PTPDC1: variants seen among roughly 807,000 people sequenced by gnomAD.
PTPDC1 encodes the protein protein tyrosine phosphatase domain-containing protein 1.
In PTPDC1, 53 loss-of-function variants were observed where a neutral mutation model predicts 75.3. The ratio of observed to expected loss-of-function variants is 0.70; its 90% CI spans 0.56 to 0.88. PTPDC1 has a LOEUF of 0.88. Ranked by LOEUF, PTPDC1 falls within the 40% of genes least tolerant of loss-of-function variation. The probability of loss-of-function intolerance (pLI) is 0.00; values close to 1 mark genes in which losing one functional copy is unlikely to be tolerated. For missense variants in PTPDC1, 925 were observed against 998.6 expected (o/e 0.93, Z 0.99); for synonymous variants, 349 against 366.2 (o/e 0.95, Z 0.54).
chr9:94,081,716 G>A (rs1487870235), upstream of PTPDC1, among the ~76,000 whole-genome samples: 1 of 152,152 alleles, frequency 6.6e-6, no homozygotes, highest in African/African-American at 2.4e-5. Context: ...GACACGTGGA[G>A]ATGGCAGGTG....
chr9:94,033,337 A>C (rs756668903), intron 1 of PTPDC1, among the ~76,000 whole-genome samples: 6 of 152,224 alleles, frequency 3.9e-5, no homozygotes, highest in Non-Finnish European at 7.3e-5. Context: ...TGAATAATCA[A>C]AACATTTCTT....
intron 2 of PTPDC1, among the ~76,000 whole-genome samples, chr9:94,071,447 CT>C (rs1414815404): frequency 6.6e-6 from 1 of 151,664 alleles, no homozygotes; most frequent in East Asian, 1.9e-4. Flanking sequence ...TGTAACTTAC[CT>C]TTCCATTTCT....
intron 1 of PTPDC1, among the ~76,000 whole-genome samples, chr9:94,050,171 A>G (rs536190640): frequency 4.3e-5 from 6 of 141,106 alleles, no homozygotes; most frequent in African/African-American, 1.5e-4. Flanking sequence ...TTCCTCCTTT[A>G]GCTCGGAGTA....
chr9:94,092,029 A>C (rs1827343839), intron 4 of PTPDC1, among the ~76,000 whole-genome samples: 1 of 146,902 alleles, frequency 6.8e-6, no homozygotes, highest in African/African-American at 2.7e-5. Context: ...CTTTTCAAAA[A>C]ACAAGCTCCT....
intron 3 of PTPDC1, 41 bp downstream of exon 3, chr9:94,087,952 G>A (rs1334249665): frequency 3.2e-6 from 5 of 1,565,190 alleles, no homozygotes; most frequent in Non-Finnish European, 4.4e-6. Context: ...GCAAACTCAT[G>A]TGTTTTTTTC....
At chr9:94,084,440 A>G (rs564995439), upstream of PTPDC1, 516 of 1,554,336 alleles carry the variant, frequency 3.3e-4, no homozygotes, top group Non-Finnish European at 4.3e-4. Flanking sequence ...GATCATACAG[A>G]ACGATGCAAT....
At chr9:94,051,145 A>T (rs1825778739) in intron 1 of PTPDC1, among the ~76,000 whole-genome samples, 1 of 151,832 alleles carries the variant, frequency 6.6e-6, no homozygotes, top group East Asian at 1.9e-4. Context: ...GAATTCCCTG[A>T]CCCCTTGCAC....
At position 94,095,421 on chromosome 9, in the gene PTPDC1, G is replaced by T; in HGVS notation, c.721G>T (p.Ala241Ser). 6.2e-7 allele frequency: 1 copy of T among 1,613,852 alleles called. No individual in the cohort carries two copies. Among genetic ancestry groups the T allele is most frequent in the East Asian group, 2.2e-5 (1 of 44,858 alleles). Residue 241 changes from alanine (A) to serine (S), a missense_variant, in exon 5 of 9, where the codon GCT (alanine) becomes TCT (serine). Physicochemically the swap from Ala to Ser is moderately conservative, Grantham distance 99. Coordinates refer to ENST00000620992, the MANE Select transcript of PTPDC1 (RefSeq NM_001253829.2). The part of the protein sequence containing the change: ...MTFALQEGKV[A>S]IHCHAGLGRT... ...ATTTGCCTTACAGGAAGGAAAAGTAGCTATCCATTGTCATGCAGGGCTTGG... is the reference window on the plus strand; with the variant it reads ...ATTTGCCTTACAGGAAGGAAAAGTATCTATCCATTGTCATGCAGGGCTTGG...
At chr9:94,051,857 AT>A (rs1825801920) in intron 1 of PTPDC1, among the ~76,000 whole-genome samples, 1 of 151,556 alleles carries the variant, frequency 6.6e-6, no homozygotes, top group Non-Finnish European at 1.5e-5. Flanking sequence ...TTCACTTTTT[AT>A]TTTTTCTTGG....
Position 94,108,081 on chromosome 9 carries a change from G to A in PTPDC1, c.*137G>A, listed in dbSNP as rs909081781. On this transcript the variant is annotated 3_prime_UTR_variant, in exon 9 of 9. Transcript: ENST00000620992. ...ATGTTGTTAGTTTGTGCTGAGAATG[G>A]TCGTCCGTATTTGAACCAATTATTT... 5 of 441,210 alleles carry A rather than the reference G, an allele frequency of 1.1e-5. No homozygotes were observed. The highest frequency in any genetic ancestry group is 1.0e-4 in the African/African-American group (5 of 49,000). 27.3% of individuals were successfully genotyped at this position (441,210 alleles called of 1,614,324 possible).
rs1466894542 is a variant in PTPDC1, at chr9:94,098,746, G to GA, written c.2013+173dup. On this transcript the variant is annotated intron_variant, in intron 6 of 8. Transcript: ENST00000620992. ...TCTCTGATGCGAACCTGATGTTATA[G>GA]AAAAAACACAGGGTGTTTGTATGGT... The GA allele has an allele frequency of 7.7e-6, 5 of 649,656 alleles. No individual in the cohort carries two copies. In the Admixed American group the frequency reaches 1.1e-4, roughly 15 times the overall value. The allele number at this position is 649,656 out of a possible 1,614,324, so 40.2% of individuals were successfully genotyped here. A position where few individuals can be genotyped will look rare whatever the true frequency, so the allele number is the denominator to read the frequency against.
intron 2 of PTPDC1, among the ~76,000 whole-genome samples, chr9:94,086,975 C>T (rs972912998): frequency 3.3e-5 from 5 of 152,214 alleles, no homozygotes; most frequent in African/African-American, 1.2e-4. Context: ...TTTACATCCA[C>T]ATCATATTGA....
At position 94,097,538 on chromosome 9, in the gene PTPDC1, G is replaced by A. The variant is rs1193780077; in HGVS notation, c.972G>A (p.Gln324=). The A allele has an allele frequency of 6.2e-7, 1 of 1,614,012 alleles. No individual in the cohort carries two copies. The highest frequency in any genetic ancestry group is 8.5e-7 in the Non-Finnish European group (1 of 1,180,050). ...AVTLPQYLIR[Q]RHLLHGYEAR... is the part of the protein sequence containing the mutation. ...CCTTACCTCAATATCTAATTCGCCA[G>A]CGTCATCTGCTTCATGGTTATGAGG... The change falls in exon 6 of 9, where the codon CAG becomes CAA. Residue 324 remains glutamine (Q), a synonymous_variant. Coordinates refer to ENST00000620992, the MANE Select transcript of PTPDC1 (RefSeq NM_001253829.2).
intron 2 of PTPDC1, among the ~76,000 whole-genome samples, chr9:94,072,259 G>A (rs1245610374): frequency 2.6e-5 from 4 of 152,138 alleles, no homozygotes; most frequent in Non-Finnish European, 4.4e-5. Context: ...GCCCGCCTTG[G>A]CCTTGCAAAG....
intron 1 of PTPDC1, among the ~76,000 whole-genome samples, chr9:94,048,958 A>G (rs4514041): frequency 1.3e-5 from 2 of 151,868 alleles, no homozygotes; most frequent in African/African-American, 4.8e-5. Flanking sequence ...ACCATTATGT[A>G]ATGGCCTTCT....
intron 1 of PTPDC1, among the ~76,000 whole-genome samples, chr9:94,046,046 T>C (rs1472512230): frequency 2.0e-5 from 3 of 152,214 alleles, no homozygotes; most frequent in Non-Finnish European, 2.9e-5. Context: ...GGGATCCAGT[T>C]TCAGCTTTCT....
chr9:94,075,713 G>A (rs916253683), intron 2 of PTPDC1, among the ~76,000 whole-genome samples: 1 of 152,126 alleles, frequency 6.6e-6, no homozygotes, highest in African/African-American at 2.4e-5. Context: ...TTTCTAAGAC[G>A]TAAGGATGAG....
At chr9:94,047,677 T>G (rs1452854094) in intron 1 of PTPDC1, among the ~76,000 whole-genome samples, 1 of 152,022 alleles carries the variant, frequency 6.6e-6, no homozygotes, top group Admixed American at 6.5e-5. Flanking sequence ...CTAACAAGAC[T>G]AATAAAGAAG....
In PTPDC1 at chr9:94,087,750, TC is replaced by T. The variant is rs1827128246; in HGVS notation, c.417-80del. On this transcript the variant is annotated intron_variant, in intron 2 of 8. Coordinates refer to ENST00000620992, the MANE Select transcript of PTPDC1 (RefSeq NM_001253829.2). Reference sequence around the variant, plus strand: ...GTTGTTGAAATCATAGAAAAAATCATCTCTCAGGACTGGAACATCTCTTTGG... The same window carrying T: ...GTTGTTGAAATCATAGAAAAAATCATTCTCAGGACTGGAACATCTCTTTGG... 5.6e-6 allele frequency: 5 copies of T among 897,606 alleles called. No homozygotes were observed. In the South Asian group the frequency reaches 7.5e-5, roughly 14 times the overall value. 55.6% of individuals were successfully genotyped at this position (897,606 alleles called of 1,614,324 possible). A position where few individuals can be genotyped will look rare whatever the true frequency, so the allele number is the denominator to read the frequency against.
Sources: allele counts gnomAD v4.1 joint callset (sites outside exome capture counted in the v4.1 genomes callset), GRCh38; gene constraint gnomAD v4.1.1; transcripts MANE v1.5; gene names NCBI Gene and HGNC (gene_info 2026-07-23, HGNC 2026-07-21).